RPS6KB1: variants seen among roughly 807,000 people sequenced by gnomAD.
RPS6KB1 encodes ribosomal protein S6 kinase beta-1.
A neutral mutation model predicts 70.2 loss-of-function variants in RPS6KB1; 12 were observed. That is an observed-to-expected ratio of 0.17 (90% confidence interval 0.11 to 0.28). The LOEUF is 0.28. Ranked by LOEUF, RPS6KB1 falls within the 10% of genes least tolerant of loss-of-function variation. RPS6KB1 has a pLI of 1.00. For missense variants in RPS6KB1, 270 were observed against 646.6 expected, an observed-to-expected ratio of 0.42 and a Z score of 6.32; for synonymous variants, 175 against 211.2, an observed-to-expected ratio of 0.83 and a Z score of 1.49.
chr17:59,907,578 C>T (rs1053795594), intron 1 of RPS6KB1, among the ~76,000 whole-genome samples: 4 of 149,664 alleles, frequency 2.7e-5, no homozygotes, highest in Non-Finnish European at 5.9e-5. Flanking sequence ...CACTCTGTTG[C>T]CCAGGCTGGA....
Position 59,922,084 on chromosome 17 carries a change from A to C in RPS6KB1, c.382-4351A>C, listed in dbSNP as rs2043298782. 7.1e-5 allele frequency among the ~76,000 whole-genome samples: 10 copies of C among 140,274 alleles called. No homozygotes were observed. In the South Asian group the frequency reaches 2.2e-3, roughly 31 times the overall value. 92.0% of individuals were successfully genotyped at this position (140,274 alleles called of 152,430 possible). On this transcript the variant is annotated intron_variant, in intron 4 of 14. Coordinates refer to ENST00000225577, the MANE Select transcript of RPS6KB1 (RefSeq NM_003161.4). ...GAGAAGCAGTCTCACTCTGTTGCCC[A>C]GGCTGGAGTGCAGTGGTGCAATTTT... is the stretch of plus-strand genomic sequence containing the variant.
intron 1 of RPS6KB1, among the ~76,000 whole-genome samples, chr17:59,904,522 T>G (rs2042150700): frequency 6.6e-6 from 1 of 151,664 alleles, no homozygotes; most frequent in South Asian, 2.1e-4. Context: ...GCCTCCCTAG[T>G]AGCTGGGATT....
chr17:59,940,275 C>CTTTTT (rs559026454), intron 12 of RPS6KB1, among the ~76,000 whole-genome samples: 2 of 81,490 alleles, frequency 2.5e-5, no homozygotes, highest in African/African-American at 4.3e-5. Flanking sequence ...GATATATTCA[C>CTTTTT]TTTTTTTTTT....
intron 13 of RPS6KB1, among the ~76,000 whole-genome samples, chr17:59,942,342 A>C (rs532561292): frequency 6.6e-6 from 1 of 152,376 alleles, no homozygotes; most frequent in South Asian, 2.1e-4. Context: ...ATGTCTGTAT[A>C]GATTTATAGC....
At chr17:59,928,348 A>T (rs1447725610) in intron 5 of RPS6KB1, among the ~76,000 whole-genome samples, 3 of 150,338 alleles carry the variant, frequency 2.0e-5, no homozygotes, top group Non-Finnish European at 3.0e-5. Context: ...ATTTCCCTTT[A>T]CCCCTAAAAT....
intron 4 of RPS6KB1, among the ~76,000 whole-genome samples, chr17:59,924,277 T>C (rs1045783520): frequency 7.2e-4 from 110 of 152,150 alleles, no homozygotes; most frequent in Non-Finnish European, 1.3e-3. Flanking sequence ...TGCAGTGAGC[T>C]GAGACCATGC....
intron 4 of RPS6KB1, among the ~76,000 whole-genome samples, chr17:59,925,087 T>A (rs1431299910): frequency 6.6e-6 from 1 of 152,148 alleles, no homozygotes; most frequent in Non-Finnish European, 1.5e-5. Context: ...CTCCTCGGCC[T>A]CCCAAAGTGC....
chr17:59,899,417 T>G (rs1188957712), intron 1 of RPS6KB1, among the ~76,000 whole-genome samples: 1 of 152,112 alleles, frequency 6.6e-6, no homozygotes, highest in Non-Finnish European at 1.5e-5. Context: ...CTGGCCAGCT[T>G]AGGAAATGAA....
At chr17:59,932,116 A>G (rs940301485) in intron 7 of RPS6KB1, among the ~76,000 whole-genome samples, 12 of 152,228 alleles carry the variant, frequency 7.9e-5, no homozygotes, top group African/African-American at 2.6e-4. Flanking sequence ...GAAAATATGT[A>G]AATATTGGCT....
At position 59,926,677 on chromosome 17, in the gene RPS6KB1, G is replaced by T. The variant is rs1324211023; in HGVS notation, c.529+95G>T. The T allele has an allele frequency of 2.1e-5, 22 of 1,044,680 alleles. No homozygotes were observed. In the East Asian group the frequency reaches 5.1e-4, roughly 24 times the overall value. The allele number at this position is 1,044,680 out of a possible 1,614,324, so 64.7% of individuals were successfully genotyped here. A position where few individuals can be genotyped will look rare whatever the true frequency, so the allele number is the denominator to read the frequency against. On this transcript the variant is annotated intron_variant, in intron 5 of 14. Coordinates refer to ENST00000225577, the MANE Select transcript of RPS6KB1 (RefSeq NM_003161.4). ...ATGGAAGAATACTTTTTCCCATTAT[G>T]ATCAAATAGTGCTTAAAATTGATGA...
chr17:59,928,668 T>A (rs561689432), intron 5 of RPS6KB1, among the ~76,000 whole-genome samples: 1 of 152,264 alleles, frequency 6.6e-6, no homozygotes, highest in East Asian at 1.9e-4. Flanking sequence ...GTATATTTTC[T>A]AAAATCAAGG....
intron 9 of RPS6KB1, 169 bp from the exon 10 acceptor site, chr17:59,935,024 C>G: frequency 1.9e-6 from 1 of 531,570 alleles, no homozygotes; most frequent in Non-Finnish European, 3.4e-6. Context: ...GAGACCCTGT[C>G]TGTAAAACAA....
Position 59,948,234 on chromosome 17 carries a change from G to A in RPS6KB1, c.*1446G>A, listed in dbSNP as rs1180388357. On this transcript the variant is annotated 3_prime_UTR_variant, in exon 15 of 15. Transcript: ENST00000225577. ...TTTCCATGACTTTAGCTGGTGAAAG[G>A]GTTTAATATCTGCAGAGCTTTATAA... is the stretch of plus-strand genomic sequence containing the variant. 6.6e-6 allele frequency: 1 copy of A among 152,526 alleles called. No individual in the cohort carries two copies. The allele number at this position is 152,526 out of a possible 1,614,324, so 9.4% of individuals were successfully genotyped here.
chr17:59,894,212 C>A (rs535597559), intron 1 of RPS6KB1, among the ~76,000 whole-genome samples: 1 of 152,230 alleles, frequency 6.6e-6, no homozygotes, highest in Non-Finnish European at 1.5e-5. Flanking sequence ...TTTCCTAATG[C>A]ATAGCTTGGT....
At chr17:59,905,950 T>A (rs2042241162) in intron 1 of RPS6KB1, among the ~76,000 whole-genome samples, 2 of 152,014 alleles carry the variant, frequency 1.3e-5, no homozygotes, top group Non-Finnish European at 2.9e-5. Flanking sequence ...AACACCACAC[T>A]CAGCTCGAGT....
intron 4 of RPS6KB1, among the ~76,000 whole-genome samples, chr17:59,918,963 C>T (rs764814619): frequency 1.3e-5 from 2 of 151,282 alleles, no homozygotes; most frequent in Non-Finnish European, 2.9e-5. Flanking sequence ...ACCCAAGTAG[C>T]TGGGATAACA....
chr17:59,916,418 G>C (rs896079247), intron 4 of RPS6KB1, among the ~76,000 whole-genome samples: 2 of 152,072 alleles, frequency 1.3e-5, no homozygotes, highest in African/African-American at 4.8e-5. Context: ...TTTCTTTTAT[G>C]CGAGTTAAGG....
intron 4 of RPS6KB1, among the ~76,000 whole-genome samples, chr17:59,925,200 G>A (rs2043532880): frequency 6.6e-6 from 1 of 152,086 alleles, no homozygotes. Context: ...AATATCCTAT[G>A]TCTGAGCATT....
rs373348379 is a variant in RPS6KB1, at chr17:59,893,179, G to T, written c.-6G>T. 2.9e-4 allele frequency: 463 copies of T among 1,571,174 alleles called. No homozygotes were observed. Among genetic ancestry groups the T allele is most frequent in the Non-Finnish European group, 3.7e-4 (433 of 1,159,280 alleles). On this transcript the variant is annotated 5_prime_UTR_variant, in exon 1 of 15. Coordinates refer to ENST00000225577, the MANE Select transcript of RPS6KB1 (RefSeq NM_003161.4). This position sits in a 1 kb window ranked among gnomAD's most constrained non-coding sequence, Gnocchi z 4.1. ...CGGCTGTGGTGGCTGCGGCGGGTCCGGGCCCATGAGGCGACGAAGGAGGCG... is the reference window on the plus strand; with the variant it reads ...CGGCTGTGGTGGCTGCGGCGGGTCCTGGCCCATGAGGCGACGAAGGAGGCG...
Sources: gnomAD v4.1 joint callset for allele counts (sites outside exome capture counted in the v4.1 genomes callset) on GRCh38, gnomAD v4.1.1 for gene constraint, Gnocchi (gnomAD v3.1) non-coding constraint, MANE v1.5 for transcripts, NCBI Gene and HGNC (gene_info 2026-07-23, HGNC 2026-07-21) for gene names.